ZNF804B: variants seen among roughly 807,000 people sequenced by gnomAD.
The protein encoded by ZNF804B is zinc finger 804B.
A neutral mutation model predicts 101.4 loss-of-function variants in ZNF804B; 80 were observed. The observed-to-expected ratio is 0.79, with a 90% CI of 0.66 to 0.95. ZNF804B has a LOEUF of 0.95. Ranked by LOEUF, ZNF804B falls within the 40% of genes least tolerant of loss-of-function variation. The pLI is 0.00. For synonymous variants in ZNF804B, 622 were observed against 558.8 expected (o/e 1.11, Z -1.59); for missense variants, 1,673 against 1,561.9 (o/e 1.07, Z -1.20).
intron 1 of ZNF804B, among the ~76,000 whole-genome samples, chr7:88,971,858 G>T (rs1451807462): frequency 1.3e-5 from 2 of 151,452 alleles, no homozygotes; most frequent in African/African-American, 2.4e-5. Context: ...GTTCTTTGGG[G>T]GAAATAGATA....
chr7:88,820,611 G>A (rs946159310), intron 1 of ZNF804B, among the ~76,000 whole-genome samples: 1 of 152,156 alleles, frequency 6.6e-6, no homozygotes, highest in Non-Finnish European at 1.5e-5. Context: ...CATGGTGAAG[G>A]GAAAAGTGAG....
intron 2 of ZNF804B, among the ~76,000 whole-genome samples, chr7:89,300,212 T>A (rs1174597870): frequency 6.6e-6 from 1 of 151,760 alleles, no homozygotes; most frequent in African/African-American, 2.4e-5. Context: ...AAGCCTAACC[T>A]CTTTATGTTG....
At chr7:88,864,573 G>C (rs1029189469) in intron 1 of ZNF804B, among the ~76,000 whole-genome samples, 3 of 152,180 alleles carry the variant, frequency 2.0e-5, no homozygotes, top group Admixed American at 2.0e-4. Context: ...GCATGATAGA[G>C]AGGGAATTTA....
chr7:89,337,773 A>G lies in ZNF804B; in HGVS notation c.*741A>G, dbSNP rs1791125906. ...ATATACAAACTATCATTAGTATTTG[A>G]TAATGCAAACTCAAAAATAAAACGT... is the stretch of plus-strand genomic sequence containing the variant. On this transcript the variant is annotated 3_prime_UTR_variant, in exon 4 of 4. Coordinates refer to ENST00000333190, the MANE Select transcript of ZNF804B (RefSeq NM_181646.5). Among the ~76,000 whole-genome samples the G allele has an allele frequency of 6.6e-6, 1 of 152,132 alleles. No individual in the cohort carries two copies. Among genetic ancestry groups the G allele is most frequent in the African/African-American group, 2.4e-5 (1 of 41,446 alleles).
At chr7:89,142,215 TA>T (rs1264733605) in intron 1 of ZNF804B, among the ~76,000 whole-genome samples, 6 of 150,606 alleles carry the variant, frequency 4.0e-5, no homozygotes, top group Admixed American at 6.7e-5. Flanking sequence ...AGCATTGTCC[TA>T]AAAAAAAAGA....
chr7:89,136,988 G>A (rs968112066), intron 1 of ZNF804B, among the ~76,000 whole-genome samples: 4 of 151,966 alleles, frequency 2.6e-5, no homozygotes, highest in Admixed American at 1.3e-4. Context: ...AACCACGTAA[G>A]AAATGACTTG....
chr7:88,844,626 C>G (rs1791342588), intron 1 of ZNF804B, among the ~76,000 whole-genome samples: 1 of 152,072 alleles, frequency 6.6e-6, no homozygotes, highest in African/African-American at 2.4e-5. Flanking sequence ...TCCAATTGTC[C>G]CATTATTACT....
intron 1 of ZNF804B, among the ~76,000 whole-genome samples, chr7:88,845,301 G>GCACACACACACA (rs372272018): frequency 0.013 from 1,973 of 150,016 alleles, 24 homozygotes; most frequent in Non-Finnish European, 0.021. Context: ...GCACGCGCGC[G>GCACACACACACA]CACACACACA....
intron 1 of ZNF804B, among the ~76,000 whole-genome samples, chr7:88,861,369 G>T (rs1356794832): frequency 1.3e-5 from 2 of 152,158 alleles, no homozygotes; most frequent in African/African-American, 4.8e-5. Flanking sequence ...CACACAGGAA[G>T]GAAACAACCT....
Position 89,203,338 on chromosome 7 carries a change from T to G in ZNF804B, c.109-14817T>G, listed in dbSNP as rs1584051440. Among the ~76,000 whole-genome samples the G allele has an allele frequency of 2.6e-5, 4 of 152,174 alleles. No individual in the cohort carries two copies. In the South Asian group the frequency reaches 8.3e-4, roughly 31 times the overall value. On this transcript the variant is annotated intron_variant, in intron 1 of 3. Coordinates refer to ENST00000333190, the MANE Select transcript of ZNF804B (RefSeq NM_181646.5). ...ATGTGCATAAACTGATGTACAGAAC[T>G]TCTTTTTGAGGTTTTCTGACGTCAC...
intron 1 of ZNF804B, among the ~76,000 whole-genome samples, chr7:89,149,583 T>C (rs2116403439): frequency 6.6e-6 from 1 of 152,222 alleles, no homozygotes; most frequent in Admixed American, 6.5e-5. Context: ...ACCAAGTCAC[T>C]TTTCAAATCT....
chr7:89,300,061 AT>A (rs1790450965), intron 2 of ZNF804B, among the ~76,000 whole-genome samples: 1 of 151,354 alleles, frequency 6.6e-6, no homozygotes, highest in South Asian at 2.1e-4. Context: ...CTCCTGCTTG[AT>A]TATTTCTTTG....
intron 1 of ZNF804B, among the ~76,000 whole-genome samples, chr7:88,994,313 T>C (rs1584059811): frequency 6.6e-6 from 1 of 152,026 alleles, no homozygotes; most frequent in African/African-American, 2.4e-5. Flanking sequence ...TAAAATAGTT[T>C]TCCCATTTAT....
In ZNF804B at chr7:89,041,872, A is replaced by G. The variant is rs578072390; in HGVS notation, c.109-176283A>G. Reference sequence around the variant, plus strand: ...AGCTTTTGTGAAGGTATTTTTATCCATAGATAGTTGTTCAAATTAATGTTT... The same window carrying G: ...AGCTTTTGTGAAGGTATTTTTATCCGTAGATAGTTGTTCAAATTAATGTTT... On this transcript the variant is annotated intron_variant, in intron 1 of 3. Transcript: ENST00000333190. Among the ~76,000 whole-genome samples, 6 of 152,312 alleles carry G rather than the reference A, an allele frequency of 3.9e-5. No homozygotes were observed. In the South Asian group the frequency reaches 1.0e-3, roughly 26 times the overall value.
intron 1 of ZNF804B, among the ~76,000 whole-genome samples, chr7:88,890,234 G>A (rs1044737315): frequency 5.3e-5 from 8 of 152,022 alleles, no homozygotes; most frequent in African/African-American, 1.9e-4. Flanking sequence ...ACTATTTTTA[G>A]TATTAGCTCT....
chr7:88,887,023 T>C (rs1343777155), intron 1 of ZNF804B, among the ~76,000 whole-genome samples: 1 of 152,040 alleles, frequency 6.6e-6, no homozygotes, highest in Non-Finnish European at 1.5e-5. Context: ...TCACTGATCA[T>C]TAAGGAAATG....
chr7:89,269,548 G>A (rs531240099), intron 2 of ZNF804B, among the ~76,000 whole-genome samples: 16 of 152,278 alleles, frequency 1.1e-4, no homozygotes, highest in African/African-American at 3.9e-4. Flanking sequence ...CTTTATAGCA[G>A]CATGATTTAT....
chr7:88,883,600 G>C (rs1050106777), intron 1 of ZNF804B, among the ~76,000 whole-genome samples: 1 of 152,088 alleles, frequency 6.6e-6, no homozygotes, highest in Non-Finnish European at 1.5e-5. Flanking sequence ...CATCTTCTAA[G>C]TTAGCAGTTC....
At chr7:89,048,584 A>G (rs1284897050) in intron 1 of ZNF804B, among the ~76,000 whole-genome samples, 1 of 151,938 alleles carries the variant, frequency 6.6e-6, no homozygotes, top group Non-Finnish European at 1.5e-5. Context: ...TTATCATTAA[A>G]AATAATAAAA....
Sources: gnomAD v4.1 joint callset for allele counts (sites outside exome capture counted in the v4.1 genomes callset) on GRCh38, gnomAD v4.1.1 for gene constraint, MANE v1.5 for transcripts, NCBI Gene and HGNC (gene_info 2026-07-23, HGNC 2026-07-21) for gene names.